RNFT2: variants seen among roughly 807,000 people sequenced by gnomAD.
The protein encoded by RNFT2 is ring finger protein, transmembrane 2.
RNFT2 carries 36 observed loss-of-function variants against 53.0 expected under a neutral mutation model. The ratio of observed to expected loss-of-function variants is 0.68; its 90% CI spans 0.52 to 0.90. The LOEUF (loss-of-function observed/expected upper bound fraction) is 0.90. RNFT2 is among the 40% of genes least tolerant of loss of function. RNFT2 has a pLI of 0.00. For missense variants in RNFT2, 514 were observed against 585.6 expected (o/e 0.88, Z 1.26); for synonymous variants, 260 against 253.2 (o/e 1.03, Z -0.26).
chr12:116,847,840 A>G (rs1202527451), intron 10 of RNFT2, among the ~76,000 whole-genome samples: 1 of 152,042 alleles, frequency 6.6e-6, no homozygotes, highest in East Asian at 1.9e-4. Context: ...TCTCTTTTTT[A>G]AAAAATTTAA....
At chr12:116,847,328 A>G (rs936868482) in intron 10 of RNFT2, among the ~76,000 whole-genome samples, 9 of 152,136 alleles carry the variant, frequency 5.9e-5, no homozygotes, top group East Asian at 1.9e-4. Flanking sequence ...CCTGGGACCA[A>G]TCAAGACTCA....
intron 3 of RNFT2, among the ~76,000 whole-genome samples, chr12:116,744,171 A>G (rs1308819814): frequency 1.3e-5 from 2 of 148,616 alleles, no homozygotes; most frequent in African/African-American, 4.9e-5. Context: ...GGCTGCAACG[A>G]GCAGAGATCA....
At chr12:116,807,628 A>G (rs1193259006) in intron 7 of RNFT2, among the ~76,000 whole-genome samples, 1 of 152,012 alleles carries the variant, frequency 6.6e-6, no homozygotes. Context: ...TGACCCAGAG[A>G]CTGCAACTCA....
chr12:116,801,804 T>TG (rs1021287975), intron 7 of RNFT2, among the ~76,000 whole-genome samples: 1 of 148,118 alleles, frequency 6.8e-6, no homozygotes. Flanking sequence ...GTGGGGTTTT[T>TG]TTTGTTTGTT....
At chr12:116,739,315 G>A (rs1871481970) in intron 1 of RNFT2, among the ~76,000 whole-genome samples, 1 of 152,202 alleles carries the variant, frequency 6.6e-6, no homozygotes, top group Non-Finnish European at 1.5e-5. Flanking sequence ...GGAACTGGGA[G>A]ACCCATAGAT....
intron 3 of RNFT2, among the ~76,000 whole-genome samples, chr12:116,749,472 G>T (rs905295069): frequency 6.6e-6 from 1 of 151,954 alleles, no homozygotes; most frequent in East Asian, 1.9e-4. Flanking sequence ...TAAAGATGGG[G>T]TCTCCCTATG....
intron 3 of RNFT2, among the ~76,000 whole-genome samples, chr12:116,743,294 T>C (rs1429662160): frequency 1.4e-5 from 2 of 141,364 alleles, no homozygotes; most frequent in Admixed American, 7.3e-5. Flanking sequence ...TGAGATGGAG[T>C]CTTGCTCTGT....
In RNFT2 at chr12:116,849,616, C is replaced by G. The variant is rs1278070838; in HGVS notation, c.*168C>G. The G allele has an allele frequency of 7.2e-7, 1 of 1,394,448 alleles. No homozygotes were observed. The highest frequency in any genetic ancestry group is 9.3e-7 in the Non-Finnish European group (1 of 1,072,864). The allele number at this position is 1,394,448 out of a possible 1,614,324, so 86.4% of individuals were successfully genotyped here. On this transcript the variant is annotated 3_prime_UTR_variant, in exon 11 of 11. Transcript: ENST00000257575. ...CCTGTCTTGTCCTTCTGACCTTCAT[C>G]TTCCTCTCTCGTTCTGTGGTATAGT...
chr12:116,838,142 A>G (rs559769605), intron 10 of RNFT2, among the ~76,000 whole-genome samples: 4 of 152,294 alleles, frequency 2.6e-5, no homozygotes, highest in Non-Finnish European at 5.9e-5. Context: ...ATAATGTGCC[A>G]TTTTATGAAT....
At chr12:116,750,822 TATATATA>T (rs1470100895) in intron 4 of RNFT2, among the ~76,000 whole-genome samples, 7,155 of 18,482 alleles carry the variant, frequency 0.39, 521 homozygotes, top group South Asian at 0.54. Context: ...ATATATATTA[TATATATA>T]ATATATATAT....
chr12:116,834,094 CACTA>C (rs1876833449), intron 8 of RNFT2, among the ~76,000 whole-genome samples, 153 bp downstream of exon 8: 1 of 152,008 alleles, frequency 6.6e-6, no homozygotes, highest in Non-Finnish European at 1.5e-5. Context: ...TGAAATTAAC[CACTA>C]ACTGTTTTAT....
chr12:116,786,524 C>G (rs761769475), intron 7 of RNFT2, among the ~76,000 whole-genome samples: 4 of 149,456 alleles, frequency 2.7e-5, no homozygotes, highest in Non-Finnish European at 5.9e-5. Context: ...GGGTTTGGGA[C>G]AAGATAAGGA....
At chr12:116,750,840 TATATATATATA>T in intron 4 of RNFT2, among the ~76,000 whole-genome samples, 1 of 2,316 alleles carries the variant, frequency 4.3e-4, no homozygotes. Flanking sequence ...ATATATATAT[TATATATATATA>T]ATATATATTA....
intron 7 of RNFT2, among the ~76,000 whole-genome samples, chr12:116,806,912 G>A (rs1032846032): frequency 3.3e-5 from 5 of 152,082 alleles, no homozygotes; most frequent in Non-Finnish European, 7.4e-5. Flanking sequence ...TCTGGATTCC[G>A]TGTGCCACTG....
intron 7 of RNFT2, 142 bp downstream of exon 7, chr12:116,779,490 C>T (rs1873594371): frequency 1.2e-6 from 1 of 849,666 alleles, no homozygotes; most frequent in African/African-American, 1.7e-5. Context: ...CTCATAGCTC[C>T]TGTCACCCAC....
chr12:116,812,951 ATTTGTT>A (rs1565867828), intron 7 of RNFT2, among the ~76,000 whole-genome samples: 1 of 148,352 alleles, frequency 6.7e-6, no homozygotes, highest in South Asian at 2.2e-4. Flanking sequence ...TTGTTTTGTC[ATTTGTT>A]TTTGTTTTTT....
chr12:116,749,777 C>G (rs1592936383), intron 3 of RNFT2, 64 bp from the exon 4 acceptor site: 2 of 1,407,082 alleles, frequency 1.4e-6, no homozygotes, highest in East Asian at 5.0e-5. Flanking sequence ...TCCCCATCCT[C>G]CTCTGGAGTA....
At chr12:116,751,085 T>G (rs1052406635) in intron 4 of RNFT2, among the ~76,000 whole-genome samples, 1 of 150,088 alleles carries the variant, frequency 6.7e-6, no homozygotes, top group African/African-American at 2.5e-5. Flanking sequence ...CGGCTAAATT[T>G]TAAATTTTTT....
chr12:116,778,437 T>G (rs557864090), intron 6 of RNFT2, among the ~76,000 whole-genome samples: 1 of 152,214 alleles, frequency 6.6e-6, no homozygotes, highest in Non-Finnish European at 1.5e-5. Context: ...CCCTGGGGTT[T>G]TGTCTGCTTC....
Sources: gnomAD v4.1 joint callset for allele counts (sites outside exome capture counted in the v4.1 genomes callset) on GRCh38, gnomAD v4.1.1 for gene constraint, MANE v1.5 for transcripts, NCBI Gene and HGNC (gene_info 2026-07-23, HGNC 2026-07-21) for gene names.